SLITRK5: variants seen among roughly 807,000 people sequenced by gnomAD.
SLITRK5 encodes the protein SLIT and NTRK-like protein 5.
A neutral mutation model predicts 56.2 loss-of-function variants in SLITRK5; 23 were observed. The ratio of observed to expected loss-of-function variants is 0.41; its 90% CI spans 0.29 to 0.58. The LOEUF (loss-of-function observed/expected upper bound fraction) is 0.58. Ranked by LOEUF, SLITRK5 falls within the 20% of genes least tolerant of loss-of-function variation. The probability of loss-of-function intolerance (pLI) is 0.30; values close to 1 mark genes in which losing one functional copy is unlikely to be tolerated. For missense variants in SLITRK5, 1,289 were observed against 1,226.6 expected (o/e 1.05, Z -0.76); for synonymous variants, 637 against 531.8 (o/e 1.20, Z -2.72).
chr13:87,674,893 C>T (rs1317677777), intron 1 of SLITRK5, among the ~76,000 whole-genome samples: 1 of 148,748 alleles, frequency 6.7e-6, no homozygotes, highest in Non-Finnish European at 1.5e-5. Flanking sequence ...GGCTCCTTGC[C>T]TCTCTGTGAA....
At position 87,677,367 on chromosome 13, in the gene SLITRK5, C is replaced by T. The variant is rs1190094146; in HGVS notation, c.1979C>T (p.Ser660Leu). 3 of 1,613,954 alleles carry T rather than the reference C, an allele frequency of 1.9e-6. No individual in the cohort carries two copies. The highest frequency in any genetic ancestry group is 1.3e-5 in the African/African-American group (1 of 75,042). Residue 660 changes from serine to leucine, a missense_variant, in exon 2 of 2, where the codon TCG becomes TTG. By Grantham distance (145) the Ser-to-Leu change is moderately radical. Transcript: ENST00000683689. This position sits in a 1 kb window ranked among gnomAD's most constrained non-coding sequence, Gnocchi z 4.7. ...ASLGAGGGAS[S>L]VPLSVLILSL... ...TTGGGCGCAGGCGGAGGGGCGTCGT[C>T]GGTGCCCTTGTCTGTGTTAATTCTC...
In SLITRK5 at chr13:87,673,683, T is replaced by C. The variant is rs1593970734; in HGVS notation, c.-9+1474T>C. 8.6e-6 allele frequency: 4 copies of C among 465,168 alleles called. No individual in the cohort carries two copies. The East Asian group carries it at 2.8e-4, about 32-fold the overall frequency. The allele number at this position is 465,168 out of a possible 1,614,324, so 28.8% of individuals were successfully genotyped here. On this transcript the variant is annotated intron_variant, in intron 1 of 1. Coordinates refer to ENST00000683689, the MANE Select transcript of SLITRK5 (RefSeq NM_001384609.1). The stretch of plus-strand genomic sequence containing the variant: ...GGATACTTGCGAGGTTTATGCACTG[T>C]GGTTCCAATTCATCTCGACACGTCT...
Position 87,676,870 on chromosome 13 carries a change from C to T in SLITRK5, c.1482C>T (p.Arg494=), listed in dbSNP as rs776552081. The part of the protein sequence containing the change: ...QYLFLQYNLI[R]EIQSGTFDPV... Reference sequence around the variant, plus strand: ...TCTTCCTCCAGTACAATCTCATCCGCGAGATTCAGTCTGGAACTTTTGACC... The same window carrying T: ...TCTTCCTCCAGTACAATCTCATCCGTGAGATTCAGTCTGGAACTTTTGACC... The change falls in exon 2 of 2, where the codon CGC becomes CGT. Residue 494 remains arginine (R), a synonymous_variant. Transcript: ENST00000683689. 11 of 1,613,980 alleles carry T rather than the reference C, an allele frequency of 6.8e-6. No individual in the cohort carries two copies. Among genetic ancestry groups the T allele is most frequent in the Non-Finnish European group, 8.5e-6 (10 of 1,180,034 alleles).
At position 87,671,807 on chromosome 13, in the gene SLITRK5, G is replaced by C. The variant is rs959356384; in HGVS notation, c.-411G>C. ...TAATTAGGGGCCGCGGCGGCGGCGG[G>C]CTCGGCGCGGAGACAGCGTCGGCGG... On this transcript the variant is annotated 5_prime_UTR_variant, in exon 1 of 2. Coordinates refer to ENST00000683689, the MANE Select transcript of SLITRK5 (RefSeq NM_001384609.1). Among the ~76,000 whole-genome samples, 2 of 151,898 alleles carry C rather than the reference G, an allele frequency of 1.3e-5. No individual in the cohort carries two copies. Among genetic ancestry groups the C allele is most frequent in the Non-Finnish European group, 2.9e-5 (2 of 67,946 alleles).
chr13:87,675,408 C>T lies in SLITRK5; in HGVS notation c.20C>T (p.Pro7Leu), dbSNP rs141503904. The T allele has an allele frequency of 6.2e-7, 1 of 1,613,982 alleles. No individual in the cohort carries two copies. The highest frequency in any genetic ancestry group is 1.3e-5 in the African/African-American group (1 of 75,044). The change falls in exon 2 of 2, where the codon CCA (proline) becomes CTA (leucine). Residue 7 changes from proline to leucine, a missense_variant. Physicochemically the swap from Pro to Leu is moderately conservative, Grantham distance 98. Transcript: ENST00000683689. ...GGTAAAATGCACACTTGCTGCCCCC[C>T]AGTAACTTTGGAACAGGACCTTCAC... MHTCCP[P>L]VTLEQDLHRK...
intron 1 of SLITRK5, chr13:87,674,396 G>C: frequency 4.1e-6 from 4 of 985,284 alleles, no homozygotes; most frequent in Non-Finnish European, 4.8e-6. Context: ...AAATAGACGC[G>C]GAGCCCAAGG....
In SLITRK5 at chr13:87,672,049, G is replaced by A. The variant is rs1877054365; in HGVS notation, c.-169G>A. On this transcript the variant is annotated 5_prime_UTR_variant, in exon 1 of 2. Coordinates refer to ENST00000683689, the MANE Select transcript of SLITRK5 (RefSeq NM_001384609.1). ...GTCCCCCGGCGTGCGCCACTGACCA[G>A]GGGGGAATGTGGTGAAGACGGCGAG... Among the ~76,000 whole-genome samples the A allele has an allele frequency of 6.6e-6, 1 of 152,066 alleles. No individual in the cohort carries two copies. Among genetic ancestry groups the A allele is most frequent in the South Asian group, 2.1e-4 (1 of 4,830 alleles).
At chr13:87,674,372 G>A (rs1877179754) in intron 1 of SLITRK5, 1 of 984,886 alleles carries the variant, frequency 1.0e-6, no homozygotes, top group Non-Finnish European at 1.2e-6. Flanking sequence ...TGCAAACCTT[G>A]CTATTACCGT....
Position 87,671,381 on chromosome 13 carries a change from C to G in SLITRK5, c.-837C>G, listed in dbSNP as rs1800464193. On this transcript the variant is annotated 5_prime_UTR_variant, in exon 1 of 2. Coordinates refer to ENST00000683689, the MANE Select transcript of SLITRK5 (RefSeq NM_001384609.1). ...TGCCATCTATCGGCCACCGAGCGCC[C>G]GCTTCGCCCCGGGCCCATCATGTCT... The G allele has an allele frequency of 6.6e-6, 1 of 152,312 alleles. No individual in the cohort carries two copies. The allele number at this position is 152,312 out of a possible 1,614,324, so 9.4% of individuals were successfully genotyped here. A position where few individuals can be genotyped will look rare whatever the true frequency, so the allele number is the denominator to read the frequency against.
intron 1 of SLITRK5, 144 bp from the exon 2 acceptor site, chr13:87,675,237 T>C (rs969150986): frequency 8.1e-6 from 5 of 614,302 alleles, no homozygotes; most frequent in African/African-American, 7.4e-5. Context: ...AGAATGTCAA[T>C]GTTTCACTTG....
chr13:87,677,838 C>T lies in SLITRK5; in HGVS notation c.2450C>T (p.Pro817Leu). The T allele has an allele frequency of 1.2e-6, 2 of 1,611,924 alleles. No homozygotes were observed. The highest frequency in any genetic ancestry group is 1.7e-6 in the Non-Finnish European group (2 of 1,178,930). Residue 817 changes from proline to leucine, a missense_variant, in exon 2 of 2, where the codon CCC (proline) becomes CTC (leucine). This residue lies in a region of SLITRK5 where 985 missense variants were observed against 906.0 expected (regional missense o/e 1.09). Coordinates refer to ENST00000683689, the MANE Select transcript of SLITRK5 (RefSeq NM_001384609.1). The surrounding 1 kb of genome is among the most constrained non-coding windows in gnomAD (Gnocchi z 4.7). ...CCCCCGCCGCAGCTGCAGCTGCAGCCCGGGGAGGAGGAGAGGCGGGAAAGC... is the reference window on the plus strand; with the variant it reads ...CCCCCGCCGCAGCTGCAGCTGCAGCTCGGGGAGGAGGAGAGGCGGGAAAGC... The part of the protein sequence containing the change: ...QQPPPQLQLQ[P>L]GEEERRESHH...
chr13:87,672,507 G>T (rs7331501), intron 1 of SLITRK5: 41,058 of 131,382 alleles, frequency 0.31, 6,577 homozygotes, highest in East Asian at 0.76. Flanking sequence ...GCCCCCTCCC[G>T]CCGCCTCCCT....
chr13:87,677,179 A>C lies in SLITRK5; in HGVS notation c.1791A>C (p.Lys597Asn), dbSNP rs961908301. 6.8e-6 allele frequency: 11 copies of C among 1,614,174 alleles called. No homozygotes were observed. In the South Asian group the frequency reaches 1.2e-4, roughly 18 times the overall value. Residue 597 changes from lysine to asparagine, a missense_variant, in exon 2 of 2, where the codon AAA becomes AAC. Transcript: ENST00000683689. This position sits in a 1 kb window ranked among gnomAD's most constrained non-coding sequence, Gnocchi z 4.7. ...VDEVICKAPKKFAETDMRSIK... is the reference protein window; with the variant it reads ...VDEVICKAPKNFAETDMRSIK... The stretch of plus-strand genomic sequence containing the variant: ...AGGTGATCTGTAAGGCGCCCAAAAA[A>C]TTCGCTGAGACCGACATGCGCTCCA...
At position 87,675,514 on chromosome 13, in the gene SLITRK5, T is replaced by C; in HGVS notation, c.126T>C (p.Asp42=). The C allele has an allele frequency of 6.2e-7, 1 of 1,614,150 alleles. No individual in the cohort carries two copies. The highest frequency in any genetic ancestry group is 8.5e-7 in the Non-Finnish European group (1 of 1,180,028). The part of the protein sequence containing the change: ...SLVLSCAETI[D]YYGEICDNAC... ...TCCTTTCGTGTGCAGAAACCATCGA[T>C]TATTATGGGGAAATCTGTGACAATG... The change falls in exon 2 of 2, where the codon GAT becomes GAC. Residue 42 remains aspartate, a synonymous_variant. Transcript: ENST00000683689.
chr13:87,678,639 T>G lies in SLITRK5; in HGVS notation c.*374T>G. Reference sequence around the variant, plus strand: ...ATAGATTCTACTCTTCCTCTTTTGCTTCCTCCCCCTCCCCCGCCCCTGCCC... The same window carrying G: ...ATAGATTCTACTCTTCCTCTTTTGCGTCCTCCCCCTCCCCCGCCCCTGCCC... On this transcript the variant is annotated 3_prime_UTR_variant, in exon 2 of 2. Coordinates refer to ENST00000683689, the MANE Select transcript of SLITRK5 (RefSeq NM_001384609.1). 1 of 185,792 alleles carries G rather than the reference T, an allele frequency of 5.4e-6. No individual in the cohort carries two copies. The highest frequency in any genetic ancestry group is 1.2e-5 in the Non-Finnish European group (1 of 81,072). The allele number at this position is 185,792 out of a possible 1,614,324, so 11.5% of individuals were successfully genotyped here. A position where few individuals can be genotyped will look rare whatever the true frequency, so the allele number is the denominator to read the frequency against.
At chr13:87,674,230 C>G (rs1391352407) in intron 1 of SLITRK5, among the ~76,000 whole-genome samples, 1 of 152,096 alleles carries the variant, frequency 6.6e-6, no homozygotes, top group Non-Finnish European at 1.5e-5. Flanking sequence ...CTTCCTCCCA[C>G]CTTTCTATTT....
At position 87,677,878 on chromosome 13, in the gene SLITRK5, C is replaced by A. The variant is rs770664749; in HGVS notation, c.2490C>A (p.Ser830Arg). ...GGCGGGAAAGCCACCACTTGCGGAG[C>A]CCCGCCTACAGCGTCAGCACCATCG... The part of the protein sequence containing the change: ...EERRESHHLR[S>R]PAYSVSTIEP... Residue 830 changes from serine (S) to arginine (R), a missense_variant, in exon 2 of 2, where the codon AGC (serine) becomes AGA (arginine). Coordinates refer to ENST00000683689, the MANE Select transcript of SLITRK5 (RefSeq NM_001384609.1). The surrounding 1 kb of genome is among the most constrained non-coding windows in gnomAD (Gnocchi z 4.7). 2 of 1,611,006 alleles carry A rather than the reference C, an allele frequency of 1.2e-6. No individual in the cohort carries two copies. Among genetic ancestry groups the A allele is most frequent in the Non-Finnish European group, 1.7e-6 (2 of 1,178,736 alleles).
chr13:87,675,226 G>A (rs773442107), intron 1 of SLITRK5, among the ~76,000 whole-genome samples, 155 bp from the exon 2 acceptor site: 2 of 152,138 alleles, frequency 1.3e-5, no homozygotes, highest in Non-Finnish European at 2.9e-5. Flanking sequence ...ATAAAATCTA[G>A]AGAATGTCAA....
At chr13:87,673,596 G>C in intron 1 of SLITRK5, 3 of 1,092,780 alleles carry the variant, frequency 2.7e-6, no homozygotes, top group South Asian at 1.3e-5. Flanking sequence ...GCTTTCACTG[G>C]GGTGGGGATG....
Sources: gnomAD v4.1 joint callset for allele counts (sites outside exome capture counted in the v4.1 genomes callset) on GRCh38, gnomAD v4.1.1 for gene constraint, gnomAD v4.1.1 regional missense constraint, Gnocchi (gnomAD v3.1) non-coding constraint, MANE v1.5 for transcripts, NCBI Gene and HGNC (gene_info 2026-07-23, HGNC 2026-07-21) for gene names.